The following ADCY7 variants were observed in gnomAD, a reference collection of about 807,000 sequenced individuals.
ADCY7 encodes adenylate cyclase type 7.
Under a neutral mutation model 120.6 loss-of-function variants are expected in ADCY7, and 72 were observed. The observed-to-expected ratio is 0.60, with a 90% CI of 0.49 to 0.73. ADCY7 has a LOEUF of 0.73. Ranked by LOEUF, ADCY7 falls within the 30% of genes least tolerant of loss-of-function variation. The probability of loss-of-function intolerance (pLI) is 0.00; values close to 1 mark genes in which losing one functional copy is unlikely to be tolerated. For missense variants in ADCY7, 1,227 were observed against 1,486.0 expected, an observed-to-expected ratio of 0.83 and a Z score of 2.87; for synonymous variants, 661 against 628.0, an observed-to-expected ratio of 1.05 and a Z score of -0.78.
chr16:50,245,503 A>G (rs1007138431), upstream of ADCY7, among the ~76,000 whole-genome samples: 3 of 152,124 alleles, frequency 2.0e-5, no homozygotes, highest in African/African-American at 7.2e-5. Flanking sequence ...TTGGAAACAG[A>G]GCAGATTTTT....
Position 50,301,196 on chromosome 16 carries a change from C to T in ADCY7, c.1350C>T (p.Tyr450=). ...TCAAGGAGATGAACATCCGCACCTA[C>T]CTGGTCATCGACCCCCGGGTACGAG... ...PYLKEMNIRT[Y]LVIDPRSQQP... is the part of the protein sequence containing the mutation. Residue 450 remains tyrosine (Y), a synonymous_variant, in exon 10 of 26, where the codon TAC becomes TAT. Transcript: ENST00000673801. The T allele has an allele frequency of 2.5e-6, 4 of 1,602,698 alleles. No homozygotes were observed. Among genetic ancestry groups the T allele is most frequent in the Non-Finnish European group, 3.4e-6 (4 of 1,174,778 alleles).
At chr16:50,251,941 T>C (rs1187869103) in intron 1 of ADCY7, among the ~76,000 whole-genome samples, 3 of 152,190 alleles carry the variant, frequency 2.0e-5, no homozygotes, top group African/African-American at 7.2e-5. Flanking sequence ...GTGTGGGCAA[T>C]GGCTGGGGGC....
intron 1 of ADCY7, among the ~76,000 whole-genome samples, chr16:50,267,486 G>C (rs1201804269): frequency 6.6e-6 from 1 of 152,238 alleles, no homozygotes; most frequent in Non-Finnish European, 1.5e-5. Context: ...ACCTACGACA[G>C]GGGCCCTGGG....
At chr16:50,259,132 T>C (rs2032994137) in intron 1 of ADCY7, among the ~76,000 whole-genome samples, 1 of 152,228 alleles carries the variant, frequency 6.6e-6, no homozygotes, top group African/African-American at 2.4e-5. Flanking sequence ...AAAATAAAAC[T>C]GTGCCAAATT....
chr16:50,245,718 A>T (rs980635877), upstream of ADCY7, among the ~76,000 whole-genome samples: 14 of 152,012 alleles, frequency 9.2e-5, no homozygotes, highest in African/African-American at 3.4e-4. Flanking sequence ...CCGTCTGTGG[A>T]TCCTTCCAGA....
At chr16:50,273,469 T>TGTA (rs1407426140) in intron 1 of ADCY7, among the ~76,000 whole-genome samples, 1 of 152,194 alleles carries the variant, frequency 6.6e-6, no homozygotes, top group African/African-American at 2.4e-5. Context: ...TCCTGTGTGT[T>TGTA]GTAGCAGCAG....
At chr16:50,251,859 C>T (rs554748814) in intron 1 of ADCY7, among the ~76,000 whole-genome samples, 7 of 152,230 alleles carry the variant, frequency 4.6e-5, no homozygotes, top group Non-Finnish European at 7.3e-5. Flanking sequence ...TCCCCTTCCC[C>T]GGCCTGCTCC....
At chr16:50,268,783 T>G (rs2033375800) in intron 1 of ADCY7, among the ~76,000 whole-genome samples, 1 of 152,080 alleles carries the variant, frequency 6.6e-6, no homozygotes, top group African/African-American at 2.4e-5. Context: ...GGAGAAAAGA[T>G]CCCAGCACTT....
chr16:50,244,757 G>A (rs28369500), upstream of ADCY7, among the ~76,000 whole-genome samples: 20,572 of 152,226 alleles, frequency 0.14, 1,429 homozygotes, highest in Middle Eastern at 0.18. Flanking sequence ...AGATCTTCCC[G>A]GGTGAGCCCT....
At chr16:50,305,432 C>T (rs1040414442) in intron 12 of ADCY7, 71 bp from the exon 13 acceptor site, 25 of 1,391,434 alleles carry the variant, frequency 1.8e-5, no homozygotes, top group Admixed American at 1.6e-4. Context: ...CTGGTGTCTA[C>T]GTCCACACCC....
At position 50,315,406 on chromosome 16, in the gene ADCY7, T is replaced by C. The variant is rs1304106890; in HGVS notation, c.3144T>C (p.Cys1048=). The change falls in exon 26 of 26, where the codon TGT becomes TGC. Residue 1048 remains cysteine (C), a synonymous_variant. Transcript: ENST00000673801. ...CTILQGLGYS[C]ECRGLINVKG... ...TCCTCCAGGGCCTCGGGTACTCTTGTGAATGCCGTGGCCTGATCAACGTCA... is the reference window on the plus strand; with the variant it reads ...TCCTCCAGGGCCTCGGGTACTCTTGCGAATGCCGTGGCCTGATCAACGTCA... 1.2e-6 allele frequency: 2 copies of C among 1,614,058 alleles called. No individual in the cohort carries two copies. The highest frequency in any genetic ancestry group is 1.7e-6 in the Non-Finnish European group (2 of 1,179,888).
At position 50,288,108 on chromosome 16, in the gene ADCY7, G is replaced by A; in HGVS notation, c.-72G>A. 6.8e-7 allele frequency: 1 copy of A among 1,469,196 alleles called. No homozygotes were observed. The highest frequency in any genetic ancestry group is 9.1e-7 in the Non-Finnish European group (1 of 1,103,690). 91.0% of individuals were successfully genotyped at this position (1,469,196 alleles called of 1,614,324 possible). ...CCTAGGCCCACGGGGGAGGGTGTTGGCAGACAGATGCCCTCCAGGCCCTGG... is the reference window on the plus strand; with the variant it reads ...CCTAGGCCCACGGGGGAGGGTGTTGACAGACAGATGCCCTCCAGGCCCTGG... On this transcript the variant is annotated 5_prime_UTR_variant, in exon 2 of 26. Coordinates refer to ENST00000673801, the MANE Select transcript of ADCY7 (RefSeq NM_001114.5).
At chr16:50,313,921 A>C in intron 22 of ADCY7, 37 bp from the exon 23 acceptor site, 2 of 1,561,966 alleles carry the variant, frequency 1.3e-6, no homozygotes, top group South Asian at 1.1e-5. Flanking sequence ...GCGGCTATGG[A>C]GTGGCGGCTG....
upstream of ADCY7, among the ~76,000 whole-genome samples, chr16:50,264,472 G>T (rs1010272644): frequency 2.0e-5 from 3 of 152,116 alleles, no homozygotes; most frequent in African/African-American, 7.2e-5. Flanking sequence ...ATTTCTTTTG[G>T]GTAAATACCT....
chr16:50,293,216 T>A, intron 5 of ADCY7, 138 bp from the exon 6 acceptor site: 1 of 951,610 alleles, frequency 1.1e-6, no homozygotes, highest in Non-Finnish European at 1.6e-6. Context: ...GGGGACATTG[T>A]GGGCAGGGCA....
At chr16:50,267,441 A>G (rs535357452) in intron 1 of ADCY7, among the ~76,000 whole-genome samples, 3 of 152,320 alleles carry the variant, frequency 2.0e-5, no homozygotes, top group South Asian at 4.1e-4. Flanking sequence ...GGGAGGGGGA[A>G]GCCAAGGGCC....
At position 50,308,351 on chromosome 16, in the gene ADCY7, C is replaced by T. The variant is rs75875361; in HGVS notation, c.1875C>T (p.Phe625=). The T allele has an allele frequency of 1.7e-4, 267 of 1,614,134 alleles. No individual in the cohort carries two copies. The highest frequency in any genetic ancestry group is 4.9e-4 in the Middle Eastern group (3 of 6,062). Residue 625 remains phenylalanine, a synonymous_variant, in exon 16 of 26, where the codon TTC becomes TTT. Coordinates refer to ENST00000673801, the MANE Select transcript of ADCY7 (RefSeq NM_001114.5). ...MPRTAALGVS[F]GLVACVLGLV... is the part of the protein sequence containing the mutation. ...GGACGGCGGCACTGGGTGTGTCCTT[C>T]GGGCTGGTGGCCTGTGTACTGGGGC...
intron 10 of ADCY7, 107 bp from the exon 11 acceptor site, chr16:50,304,253 G>A: frequency 2.7e-6 from 3 of 1,118,120 alleles, no homozygotes; most frequent in East Asian, 6.2e-5. Flanking sequence ...TTTTTCACGG[G>A]CTCAGGGCGG....
chr16:50,314,608 G>C (rs1486437873), intron 24 of ADCY7: 4 of 538,542 alleles, frequency 7.4e-6, no homozygotes, highest in Non-Finnish European at 1.3e-5. Flanking sequence ...TTAATAATAC[G>C]TAACTACAGA....
Sources: allele counts gnomAD v4.1 joint callset (sites outside exome capture counted in the v4.1 genomes callset), GRCh38; gene constraint gnomAD v4.1.1; transcripts MANE v1.5; gene names NCBI Gene and HGNC (gene_info 2026-07-23, HGNC 2026-07-21).